The following PRRX1 variants were observed in gnomAD, a reference collection of about 807,000 sequenced individuals.
PRRX1 encodes the protein paired related homeobox 1, also known as paired mesoderm homeobox protein 1.
PRRX1 carries 8 observed loss-of-function variants against 24.0 expected under a neutral mutation model. The observed-to-expected ratio is 0.33, with a 90% CI of 0.20 to 0.60. PRRX1 has a LOEUF of 0.60. PRRX1 is among the 20% of genes least tolerant of loss of function. The pLI is 0.82. For synonymous variants in PRRX1, 160 were observed against 131.7 expected, an observed-to-expected ratio of 1.22 and a Z score of -1.47; for missense variants, 281 against 322.4, an observed-to-expected ratio of 0.87 and a Z score of 0.98.
At chr1:170,692,280 A>C (rs1654014074) in intron 1 of PRRX1, among the ~76,000 whole-genome samples, 1 of 152,132 alleles carries the variant, frequency 6.6e-6, no homozygotes, top group Non-Finnish European at 1.5e-5. Flanking sequence ...CTTATGGGGT[A>C]AGAACCCAAT....
Position 170,726,285 on chromosome 1 carries a change from C to T in PRRX1, c.483C>T (p.Asn161=). 2.5e-6 allele frequency: 4 copies of T among 1,614,028 alleles called. No individual in the cohort carries two copies. The highest frequency in any genetic ancestry group is 2.2e-5 in the East Asian group (1 of 44,866). The part of the protein sequence containing the change: ...RNERAMLANK[N]ASLLKSYSGD... ...AGAGAGCCATGCTAGCCAATAAAAA[C>T]GCTTCCCTCCTCAAATCCTACTCAG... Residue 161 remains asparagine (N), a synonymous_variant, in exon 3 of 4, where the codon AAC becomes AAT. Transcript: ENST00000239461.
chr1:170,664,487 G>A lies in PRRX1; in HGVS notation c.241+28G>A, dbSNP rs540087443. The A allele has an allele frequency of 1.2e-4, 196 of 1,580,660 alleles. No individual in the cohort carries two copies. In the Middle Eastern group the frequency reaches 1.7e-3, roughly 13 times the overall value. On this transcript the variant is annotated intron_variant, in intron 1 of 3. Transcript: ENST00000239461. ...GAGTGAGGGGCGCATGCCCACGGGGGTGTGTGCCCGGGACAGAGGGCGGGG... is the reference window on the plus strand; with the variant it reads ...GAGTGAGGGGCGCATGCCCACGGGGATGTGTGCCCGGGACAGAGGGCGGGG...
chr1:170,704,051 T>C (rs937145514), intron 1 of PRRX1, among the ~76,000 whole-genome samples: 1 of 152,236 alleles, frequency 6.6e-6, no homozygotes, highest in African/African-American at 2.4e-5. Context: ...TGACCATTTT[T>C]ATTCTGAAAT....
chr1:170,716,218 T>G (rs1654902568), intron 1 of PRRX1, among the ~76,000 whole-genome samples: 1 of 152,166 alleles, frequency 6.6e-6, no homozygotes, highest in African/African-American at 2.4e-5. Flanking sequence ...TATTTTCAGT[T>G]TACTCAATCA....
intron 1 of PRRX1, among the ~76,000 whole-genome samples, chr1:170,688,717 T>C (rs1297410505): frequency 1.3e-5 from 2 of 152,156 alleles, no homozygotes; most frequent in African/African-American, 4.8e-5. Context: ...AACTTTACTA[T>C]GTTGTACTGA....
At chr1:170,714,428 A>G (rs1303989747) in intron 1 of PRRX1, among the ~76,000 whole-genome samples, 4 of 152,206 alleles carry the variant, frequency 2.6e-5, no homozygotes, top group Admixed American at 6.5e-5. Context: ...AAGGCAGATG[A>G]CAAACTTTGA....
chr1:170,730,413 T>TAAACAACA, intron 3 of PRRX1: 1 of 1,365,598 alleles, frequency 7.3e-7, no homozygotes. Flanking sequence ...ATTCAGAGTG[T>TAAACAACA]TTAAGAAAGT....
intron 1 of PRRX1, among the ~76,000 whole-genome samples, chr1:170,706,398 A>G (rs1179516190): frequency 6.6e-6 from 1 of 152,214 alleles, no homozygotes; most frequent in African/African-American, 2.4e-5. Flanking sequence ...GTAATTTAAA[A>G]TTAGAAAGAG....
chr1:170,730,322 C>T (rs184893894), intron 3 of PRRX1: 10 of 1,611,678 alleles, frequency 6.2e-6, no homozygotes, highest in Non-Finnish European at 7.6e-6. Flanking sequence ...GGCTTCATAA[C>T]GGATTCTAAC....
chr1:170,696,515 G>C (rs1246139814), intron 1 of PRRX1, among the ~76,000 whole-genome samples: 1 of 152,048 alleles, frequency 6.6e-6, no homozygotes, highest in Non-Finnish European at 1.5e-5. Context: ...CTCACTCAAT[G>C]ATTCTTACGA....
intron 2 of PRRX1, among the ~76,000 whole-genome samples, chr1:170,724,482 A>G (rs1356963590): frequency 6.6e-6 from 1 of 152,226 alleles, no homozygotes; most frequent in Non-Finnish European, 1.5e-5. Context: ...AAAGAGGTCC[A>G]GTTTCAGTTT....
At chr1:170,725,133 AC>A (rs746847805) in intron 2 of PRRX1, among the ~76,000 whole-genome samples, 60 of 152,042 alleles carry the variant, frequency 3.9e-4, no homozygotes, top group Non-Finnish European at 7.5e-4. Flanking sequence ...CTGATTTTGC[AC>A]CCTGAGACTT....
intron 1 of PRRX1, among the ~76,000 whole-genome samples, chr1:170,692,355 C>G (rs1053522812): frequency 3.9e-5 from 6 of 152,052 alleles, no homozygotes; most frequent in African/African-American, 1.4e-4. Context: ...CTCAAAATAA[C>G]AGCCTACAAA....
chr1:170,719,671 A>G, intron 1 of PRRX1, 55 bp from the exon 2 acceptor site: 2 of 1,576,964 alleles, frequency 1.3e-6, no homozygotes, highest in South Asian at 2.2e-5. Flanking sequence ...AAAAAGTCTT[A>G]ACTGGGACTC....
intron 1 of PRRX1, among the ~76,000 whole-genome samples, chr1:170,718,330 T>C (rs77341024): frequency 0.023 from 3,553 of 152,290 alleles, 138 homozygotes; most frequent in African/African-American, 0.076. Context: ...GAGGCCTCAG[T>C]TGTCAGGCCT....
At chr1:170,669,168 G>A (rs1216866663) in intron 1 of PRRX1, 1 of 151,928 alleles carries the variant, frequency 6.6e-6, no homozygotes, top group African/African-American at 2.4e-5. Context: ...CCCCAACTCT[G>A]GAATGCAGTG....
chr1:170,735,210 T>C (rs1403976003), intron 3 of PRRX1, among the ~76,000 whole-genome samples: 1 of 152,234 alleles, frequency 6.6e-6, no homozygotes, highest in South Asian at 2.1e-4. Context: ...GATAAATTTC[T>C]GCCTAGTGGT....
intron 1 of PRRX1, among the ~76,000 whole-genome samples, chr1:170,718,185 A>G (rs1654966283): frequency 6.6e-6 from 1 of 152,220 alleles, no homozygotes; most frequent in Non-Finnish European, 1.5e-5. Context: ...TTCCCTGAAA[A>G]CAAACTCAGC....
In PRRX1 at chr1:170,664,181, C is replaced by A. The variant is rs77911930; in HGVS notation, c.-38C>A. 2.5e-6 allele frequency: 4 copies of A among 1,579,002 alleles called. No homozygotes were observed. The highest frequency in any genetic ancestry group is 2.7e-5 in the African/African-American group (2 of 73,634). The stretch of plus-strand genomic sequence containing the variant: ...CCACAGCGTTTGGTGTTGATTCGAG[C>A]GGGAAGAGGGGGGTGGGTGGGATCG... On this transcript the variant is annotated 5_prime_UTR_variant, in exon 1 of 4. Coordinates refer to ENST00000239461, the MANE Select transcript of PRRX1 (RefSeq NM_022716.4).
Sources: allele counts gnomAD v4.1 joint callset (sites outside exome capture counted in the v4.1 genomes callset), GRCh38; gene constraint gnomAD v4.1.1; transcripts MANE v1.5; gene names NCBI Gene and HGNC (gene_info 2026-07-23, HGNC 2026-07-21).